HYCC1: variants seen among roughly 807,000 people sequenced by gnomAD.
HYCC1 encodes hyccin.
chr7:22,959,105 T>A, the HYCC1 span, among the ~76,000 whole-genome samples: 7 of 152,300 alleles, frequency 4.6e-5, no homozygotes, highest in African/African-American at 1.7e-4. Flanking sequence ...ACTATATGTT[T>A]TAAATGGTGG....
the HYCC1 span, chr7:22,960,546 T>C: frequency 6.8e-6 from 5 of 730,452 alleles, no homozygotes; most frequent in South Asian, 1.5e-5. Context: ...TATAAGATGA[T>C]ACAGAAATCC....
the HYCC1 span, among the ~76,000 whole-genome samples, chr7:22,968,345 T>A: frequency 1.3e-5 from 2 of 152,118 alleles, no homozygotes; most frequent in Non-Finnish European, 2.9e-5. Context: ...AAGGCAGATG[T>A]AATAGTAGTG....
At chr7:22,920,712 C>T in the HYCC1 span, among the ~76,000 whole-genome samples, 25 of 152,142 alleles carry the variant, frequency 1.6e-4, no homozygotes, top group East Asian at 7.7e-4. Flanking sequence ...AAATATATAC[C>T]GGCATAAATG....
the HYCC1 span, chr7:22,937,148 G>A: frequency 2.0e-5 from 3 of 152,146 alleles, no homozygotes; most frequent in Non-Finnish European, 4.4e-5. Context: ...AATGTTTGTA[G>A]AAAATTACAC....
the HYCC1 span, among the ~76,000 whole-genome samples, chr7:23,000,514 C>T: frequency 6.6e-6 from 1 of 152,052 alleles, no homozygotes; most frequent in Admixed American, 6.6e-5. Flanking sequence ...CATAAAAATA[C>T]AATCACATTC....
the HYCC1 span, among the ~76,000 whole-genome samples, chr7:22,915,795 C>G: frequency 6.6e-6 from 1 of 152,200 alleles, no homozygotes. Flanking sequence ...CTCCCCAACT[C>G]TGGTGCCAAC....
chr7:22,898,361 A>G, the HYCC1 span, among the ~76,000 whole-genome samples: 3 of 151,376 alleles, frequency 2.0e-5, no homozygotes, highest in African/African-American at 7.3e-5. Flanking sequence ...TTACAGGCAC[A>G]CACCACCACA....
At chr7:22,970,047 G>T in the HYCC1 span, among the ~76,000 whole-genome samples, 3 of 140,280 alleles carry the variant, frequency 2.1e-5, no homozygotes, top group African/African-American at 7.7e-5. Flanking sequence ...CTCTAGGATG[G>T]TCACTCATCT....
the HYCC1 span, chr7:22,941,536 A>G: frequency 6.6e-6 from 1 of 152,198 alleles, no homozygotes; most frequent in Non-Finnish European, 1.5e-5. Flanking sequence ...GAGGTACACA[A>G]TAAGTTCCAT....
the HYCC1 span, among the ~76,000 whole-genome samples, chr7:22,929,791 T>A: frequency 5.3e-5 from 8 of 152,204 alleles, no homozygotes; most frequent in South Asian, 1.4e-3. Context: ...TGGCGATTCC[T>A]CAAGGATCTA....
At chr7:22,962,409 A>G in the HYCC1 span, among the ~76,000 whole-genome samples, 1 of 152,124 alleles carries the variant, frequency 6.6e-6, no homozygotes, top group Non-Finnish European at 1.5e-5. Context: ...ACTGCCCTTG[A>G]TGGTATAGGC....
the HYCC1 span, among the ~76,000 whole-genome samples, chr7:23,001,424 G>C: frequency 6.6e-6 from 1 of 152,180 alleles, no homozygotes; most frequent in East Asian, 1.9e-4. Context: ...ACCTAAAACA[G>C]TTCAAAACCT....
At chr7:22,921,680 T>A in the HYCC1 span, among the ~76,000 whole-genome samples, 2 of 152,188 alleles carry the variant, frequency 1.3e-5, no homozygotes, top group African/African-American at 2.4e-5. Context: ...TAGTGAGGAT[T>A]ATGGGTAAAA....
the HYCC1 span, among the ~76,000 whole-genome samples, chr7:23,010,456 TA>T: frequency 6.6e-6 from 1 of 152,092 alleles, no homozygotes; most frequent in Non-Finnish European, 1.5e-5. Flanking sequence ...TAAGAAACTA[TA>T]AAAAAGTATC....
At chr7:22,930,398 A>AG in the HYCC1 span, among the ~76,000 whole-genome samples, 7 of 150,968 alleles carry the variant, frequency 4.6e-5, no homozygotes, top group African/African-American at 1.2e-4. Flanking sequence ...AAAAAGAAAA[A>AG]AAAAAAAGAA....
the HYCC1 span, among the ~76,000 whole-genome samples, chr7:22,984,396 C>T: frequency 6.6e-6 from 1 of 152,096 alleles, no homozygotes; most frequent in African/African-American, 2.4e-5. Flanking sequence ...AACATCAACA[C>T]TTCATCTTTG....
At chr7:22,978,408 C>T in the HYCC1 span, 4 of 1,613,726 alleles carry the variant, frequency 2.5e-6, no homozygotes, top group African/African-American at 1.3e-5. Context: ...CTCTCCACTG[C>T]GATAGAATTC....
the HYCC1 span, among the ~76,000 whole-genome samples, chr7:23,002,177 C>CACACACAATTATATATATATAT: frequency 3.0e-5 from 2 of 66,960 alleles, no homozygotes; most frequent in African/African-American, 9.7e-5. Flanking sequence ...TATATATATA[C>CACACACAATTATATATATATAT]ATATAGTTTG....
the HYCC1 span, among the ~76,000 whole-genome samples, chr7:22,951,579 C>T: frequency 6.6e-6 from 1 of 151,818 alleles, no homozygotes; most frequent in Non-Finnish European, 1.5e-5. Context: ...CATACCAGAA[C>T]AAATATCCTT....
Sources: gnomAD v4.1 joint callset for allele counts (sites outside exome capture counted in the v4.1 genomes callset) on GRCh38, gnomAD v4.1.1 for gene constraint, MANE v1.5 for transcripts, NCBI Gene and HGNC (gene_info 2026-07-23, HGNC 2026-07-21) for gene names.